The following NPAS2 variants were observed in gnomAD, a reference collection of about 807,000 sequenced individuals.
NPAS2 encodes neuronal PAS domain protein 2, also known as neuronal PAS domain-containing protein 2.
NPAS2 carries 23 observed loss-of-function variants against 107.5 expected under a neutral mutation model. The ratio of observed to expected loss-of-function variants is 0.21; its 90% confidence interval spans 0.15 to 0.30. NPAS2 has a LOEUF of 0.30. Among genes scored for constraint, NPAS2 ranks in the 10% least tolerant of loss-of-function variants. The pLI, the probability that NPAS2 is intolerant of heterozygous loss-of-function variation, is 1.00. For synonymous variants in NPAS2, 403 were observed against 417.5 expected, an observed-to-expected ratio of 0.97 and a Z score of 0.42; for missense variants, 756 against 1,043.3, an observed-to-expected ratio of 0.72 and a Z score of 3.79.
At chr2:100,852,241 C>CAAAA (rs1207560441) in intron 1 of NPAS2, among the ~76,000 whole-genome samples, 2 of 151,726 alleles carry the variant, frequency 1.3e-5, no homozygotes, top group Non-Finnish European at 2.9e-5. Context: ...CTAAAAAATA[C>CAAAA]AAAAAATTAG....
At chr2:100,819,600 G>A (rs1675928760), upstream of NPAS2, among the ~76,000 whole-genome samples, 1 of 152,238 alleles carries the variant, frequency 6.6e-6, no homozygotes, top group African/African-American at 2.4e-5. The surrounding 1 kb of genome is among the most constrained non-coding windows in gnomAD (Gnocchi z 5.8). Context: ...TGTGGAGGGG[G>A]TGACAGTCGC....
chr2:100,968,555 A>C lies in NPAS2; in HGVS notation c.1055+127A>C. Reference sequence around the variant, plus strand: ...CAGGTGTTCCCCATTTCGAAGATGAAGCCCAGGCCATCCCCTGCCGTTAAC... The same window carrying C: ...CAGGTGTTCCCCATTTCGAAGATGACGCCCAGGCCATCCCCTGCCGTTAAC... On this transcript the variant is annotated intron_variant, in intron 11 of 20. Coordinates refer to ENST00000335681, the MANE Select transcript of NPAS2 (RefSeq NM_002518.4). This position sits in a 1 kb window ranked among gnomAD's most constrained non-coding sequence, Gnocchi z 5.3. The C allele has an allele frequency of 1.1e-6, 1 of 869,780 alleles. No homozygotes were observed. The highest frequency in any genetic ancestry group is 1.7e-6 in the Non-Finnish European group (1 of 573,310). The allele number at this position is 869,780 out of a possible 1,614,324, so 53.9% of individuals were successfully genotyped here. A position where few individuals can be genotyped will look rare whatever the true frequency, so the allele number is the denominator to read the frequency against.
intron 2 of NPAS2, among the ~76,000 whole-genome samples, chr2:100,914,840 A>C (rs1682771304): frequency 6.6e-6 from 1 of 152,358 alleles, no homozygotes; most frequent in African/African-American, 2.4e-5. Context: ...AGCAGAATGC[A>C]TGAAACAGCC....
intron 16 of NPAS2, chr2:100,986,820 A>G (rs1320007328): frequency 6.6e-6 from 1 of 152,252 alleles, no homozygotes; most frequent in Non-Finnish European, 1.5e-5. Context: ...TTATCTACCA[A>G]AACTATTCAT....
intron 1 of NPAS2, chr2:100,901,701 T>A: frequency 4.3e-6 from 1 of 234,152 alleles, no homozygotes; most frequent in Non-Finnish European, 7.0e-6. Context: ...GTTTGGGAAG[T>A]AATTTCCCTC....
intron 1 of NPAS2, among the ~76,000 whole-genome samples, chr2:100,852,241 C>CA (rs1207560441): frequency 2.0e-5 from 3 of 151,726 alleles, no homozygotes; most frequent in Non-Finnish European, 2.9e-5. Flanking sequence ...CTAAAAAATA[C>CA]AAAAAATTAG....
chr2:100,878,514 G>A, intron 1 of NPAS2: 1 of 985,426 alleles, frequency 1.0e-6, no homozygotes, highest in South Asian at 4.7e-5. Flanking sequence ...GAGAGATTTG[G>A]CTACTTTGTT....
At chr2:100,891,867 G>A (rs997501606) in intron 1 of NPAS2, among the ~76,000 whole-genome samples, 3 of 152,180 alleles carry the variant, frequency 2.0e-5, no homozygotes, top group Non-Finnish European at 4.4e-5. Flanking sequence ...AGCATTTGGG[G>A]AACAGTTCCA....
intron 1 of NPAS2, among the ~76,000 whole-genome samples, chr2:100,860,947 C>T (rs1678903337): frequency 6.6e-6 from 1 of 151,958 alleles, no homozygotes; most frequent in African/African-American, 2.4e-5. Flanking sequence ...AGCTGGAGTA[C>T]AGTGGCTCAT....
At chr2:100,895,606 G>A (rs1344071659) in intron 1 of NPAS2, among the ~76,000 whole-genome samples, 2 of 152,114 alleles carry the variant, frequency 1.3e-5, no homozygotes, top group Non-Finnish European at 2.9e-5. Context: ...AGGAGTTCCA[G>A]CCCTCCTCCC....
At chr2:100,861,788 C>G (rs1206481730) in intron 1 of NPAS2, among the ~76,000 whole-genome samples, 1 of 152,158 alleles carries the variant, frequency 6.6e-6, no homozygotes, top group African/African-American at 2.4e-5. Flanking sequence ...ATTTTCACAA[C>G]AGATATGAAA....
At chr2:100,921,766 A>T (rs562599165) in intron 2 of NPAS2, among the ~76,000 whole-genome samples, 2 of 152,354 alleles carry the variant, frequency 1.3e-5, no homozygotes, top group South Asian at 4.1e-4. Context: ...ATGTCAGTGC[A>T]GCCGTGTCTT....
chr2:100,973,513 C>T (rs1396624076), intron 12 of NPAS2, among the ~76,000 whole-genome samples: 2 of 152,168 alleles, frequency 1.3e-5, no homozygotes, highest in Non-Finnish European at 2.9e-5. Flanking sequence ...AGCAAGGTCC[C>T]CAAATTGCCA....
At position 100,954,311 on chromosome 2, in the gene NPAS2, G is replaced by A. The variant is rs529394069; in HGVS notation, c.598+4831G>A. On this transcript the variant is annotated intron_variant, in intron 7 of 20. Coordinates refer to ENST00000335681, the MANE Select transcript of NPAS2 (RefSeq NM_002518.4). Reference sequence around the variant, plus strand: ...CCTCTCTAGGAATTGGCTAACCCTGGGAGAGGCAGTCCCTCCAGCACCAGC... The same window carrying A: ...CCTCTCTAGGAATTGGCTAACCCTGAGAGAGGCAGTCCCTCCAGCACCAGC... Among the ~76,000 whole-genome samples, 4 of 152,268 alleles carry A rather than the reference G, an allele frequency of 2.6e-5. No homozygotes were observed. The East Asian group carries it at 7.7e-4, about 29-fold the overall frequency.
chr2:100,927,936 A>C (rs1161325290), intron 3 of NPAS2, among the ~76,000 whole-genome samples: 2 of 152,204 alleles, frequency 1.3e-5, no homozygotes, highest in African/African-American at 4.8e-5. Context: ...AAACATAATA[A>C]GTCAGAAATG....
At chr2:100,880,865 G>A (rs1315603735) in intron 1 of NPAS2, among the ~76,000 whole-genome samples, 3 of 152,190 alleles carry the variant, frequency 2.0e-5, no homozygotes, top group Non-Finnish European at 4.4e-5. Context: ...CAGGGAGGAG[G>A]GAGAGCAGTA....
intron 1 of NPAS2, among the ~76,000 whole-genome samples, chr2:100,824,606 G>T (rs998151025): frequency 5.3e-5 from 8 of 152,040 alleles, no homozygotes; most frequent in Non-Finnish European, 1.0e-4. Context: ...ATTCACCTGG[G>T]GTGCCTTTTA....
At chr2:100,903,513 A>G (rs971565218) in intron 1 of NPAS2, among the ~76,000 whole-genome samples, 1 of 152,236 alleles carries the variant, frequency 6.6e-6, no homozygotes, top group Non-Finnish European at 1.5e-5. Flanking sequence ...TCACAAAACT[A>G]AATGAGCTCA....
intron 1 of NPAS2, among the ~76,000 whole-genome samples, chr2:100,895,862 T>C (rs569807733): frequency 6.6e-6 from 1 of 152,282 alleles, no homozygotes; most frequent in Admixed American, 6.5e-5. Context: ...TCTGTCTCTG[T>C]TTAGGAGCCC....
Sources: gnomAD v4.1 joint callset for allele counts (sites outside exome capture counted in the v4.1 genomes callset) on GRCh38, gnomAD v4.1.1 for gene constraint, Gnocchi (gnomAD v3.1) non-coding constraint, MANE v1.5 for transcripts, NCBI Gene and HGNC (gene_info 2026-07-23, HGNC 2026-07-21) for gene names.